The following ZFPM2 variants were observed in gnomAD, a reference collection of about 807,000 sequenced individuals.
ZFPM2 encodes the protein zinc finger protein ZFPM2.
In ZFPM2, 20 loss-of-function variants were observed where a neutral mutation model predicts 98.6. The ratio of observed to expected loss-of-function variants is 0.20; its 90% confidence interval spans 0.14 to 0.29. The LOEUF is 0.29. Among genes scored for constraint, ZFPM2 ranks in the 10% least tolerant of loss-of-function variants. ZFPM2 has a pLI of 1.00. For synonymous variants in ZFPM2, 518 were observed against 502.7 expected (o/e 1.03, Z -0.41); for missense variants, 1,310 against 1,388.6 (o/e 0.94, Z 0.90).
At chr8:105,664,836 G>A (rs1817459918) in intron 5 of ZFPM2, among the ~76,000 whole-genome samples, 1 of 152,054 alleles carries the variant, frequency 6.6e-6, no homozygotes, top group Admixed American at 6.5e-5. Flanking sequence ...AAGTACTGTG[G>A]TTTTATTATA....
chr8:105,390,813 C>G (rs560200404), intron 1 of ZFPM2, among the ~76,000 whole-genome samples: 1 of 152,128 alleles, frequency 6.6e-6, no homozygotes, highest in East Asian at 1.9e-4. Flanking sequence ...AACATTCTAG[C>G]TTAAATTGAT....
At position 105,510,572 on chromosome 8, in the gene ZFPM2, T is replaced by TC. The variant is rs200186393; in HGVS notation, c.302-50785dup. ...GTATTTTATCTCTCTGCTTCTGATC[T>TC]CCCCCCTTCCCTAATTCACAGTAAA... is the stretch of plus-strand genomic sequence containing the variant. On this transcript the variant is annotated intron_variant, in intron 3 of 7. Transcript: ENST00000407775. Among the ~76,000 whole-genome samples the TC allele has an allele frequency of 4.2e-3, 639 of 152,114 alleles. 6 individuals are homozygous for TC. The highest frequency in any genetic ancestry group is 0.015 in the African/African-American group (606 of 41,504).
intron 3 of ZFPM2, among the ~76,000 whole-genome samples, chr8:105,475,763 C>G (rs1813001587): frequency 6.6e-6 from 1 of 152,006 alleles, no homozygotes; most frequent in South Asian, 2.1e-4. Flanking sequence ...GAAATTTTAC[C>G]CATTAACTTA....
chr8:105,717,212 G>A (rs568088800), intron 5 of ZFPM2, among the ~76,000 whole-genome samples: 2 of 151,970 alleles, frequency 1.3e-5, no homozygotes, highest in Admixed American at 6.6e-5. Context: ...GGAACCACTG[G>A]GTCAGAGAAA....
chr8:105,627,144 C>T (rs984145473), intron 4 of ZFPM2, among the ~76,000 whole-genome samples: 4 of 152,098 alleles, frequency 2.6e-5, no homozygotes, highest in African/African-American at 9.7e-5. Context: ...CTCCATTAAC[C>T]TTTTGGCTTG....
At chr8:105,542,405 T>C (rs953543339) in intron 3 of ZFPM2, among the ~76,000 whole-genome samples, 9 of 152,304 alleles carry the variant, frequency 5.9e-5, no homozygotes, top group Admixed American at 3.9e-4. Context: ...TTGATAATTA[T>C]AAATTAATAG....
At chr8:105,717,630 A>G (rs560214783) in intron 5 of ZFPM2, among the ~76,000 whole-genome samples, 2 of 138,194 alleles carry the variant, frequency 1.4e-5, no homozygotes, top group African/African-American at 2.8e-5. Flanking sequence ...TACATTTTGA[A>G]CTGTTAAAAA....
chr8:105,555,243 A>C (rs1814959238), intron 3 of ZFPM2, among the ~76,000 whole-genome samples: 1 of 152,150 alleles, frequency 6.6e-6, no homozygotes, highest in African/African-American at 2.4e-5. Flanking sequence ...ATTTTCTGTG[A>C]ACTTACCCAG....
intron 1 of ZFPM2, among the ~76,000 whole-genome samples, chr8:105,321,892 A>G (rs1212338549): frequency 6.6e-6 from 1 of 152,180 alleles, no homozygotes; most frequent in Non-Finnish European, 1.5e-5. Context: ...ACTTTGGATG[A>G]TAAGGCAAAA....
At chr8:105,346,477 A>G (rs771055506) in intron 1 of ZFPM2, among the ~76,000 whole-genome samples, 17 of 152,138 alleles carry the variant, frequency 1.1e-4, no homozygotes, top group Non-Finnish European at 1.9e-4. Context: ...ACTTAATAGG[A>G]GGAGAATAAA....
At chr8:105,480,752 AT>A (rs765031551) in intron 3 of ZFPM2, among the ~76,000 whole-genome samples, 5,186 of 140,760 alleles carry the variant, frequency 0.037, 259 homozygotes, top group African/African-American at 0.12. Context: ...GTGGGATTAC[AT>A]TTTTTTTTTT....
intron 1 of ZFPM2, among the ~76,000 whole-genome samples, chr8:105,332,013 A>T (rs1282014291): frequency 6.6e-6 from 1 of 151,698 alleles, no homozygotes; most frequent in Non-Finnish European, 1.5e-5. Flanking sequence ...TACTATTGTT[A>T]TGTAGCACTT....
At position 105,318,958 on chromosome 8, in the gene ZFPM2, A is replaced by G; in HGVS notation, c.17A>G (p.Gln6Arg). 2.7e-6 allele frequency: 4 copies of G among 1,472,090 alleles called. No homozygotes were observed. The highest frequency in any genetic ancestry group is 3.6e-6 in the Non-Finnish European group (4 of 1,102,354). 91.2% of individuals were successfully genotyped at this position (1,472,090 alleles called of 1,614,324 possible). The part of the protein sequence containing the change: MSRRK[Q>R]SKPRQIKRPL... ...GCCGCCGAGATGTCCCGGCGAAAGC[A>G]AAGCAAACCCCGGCAGATCAAACGT... The change falls in exon 1 of 8, where the codon CAA becomes CGA. Residue 6 changes from glutamine to arginine, a missense_variant. Transcript: ENST00000407775.
At chr8:105,484,339 T>TTTTA (rs1367760376) in intron 3 of ZFPM2, among the ~76,000 whole-genome samples, 1 of 152,084 alleles carries the variant, frequency 6.6e-6, no homozygotes, top group Non-Finnish European at 1.5e-5. Context: ...GTTTAGTTAA[T>TTTTA]TAGTTAAGTC....
At chr8:105,482,289 G>A (rs1813135442) in intron 3 of ZFPM2, among the ~76,000 whole-genome samples, 1 of 151,982 alleles carries the variant, frequency 6.6e-6, no homozygotes, top group Non-Finnish European at 1.5e-5. Flanking sequence ...TGTTTACTCT[G>A]ATATAGTATC....
In ZFPM2 at chr8:105,393,337, C is replaced by CTTTCTTTCTTTCTTT. The variant is rs1554600680; in HGVS notation, c.41-25807_41-25806insTTTCTTTCTTTCTTT. ...TCTTCCTTCCCTCTCTCTCTCTTTG[C>CTTTCTTTCTTTCTTT]CTTTCTTTCTTTCTTTCTTTCTTTC... On this transcript the variant is annotated intron_variant, in intron 1 of 7. Transcript: ENST00000407775. 5.0e-3 allele frequency among the ~76,000 whole-genome samples: 578 copies of CTTTCTTTCTTTCTTT among 114,822 alleles called. 5 individuals are homozygous for CTTTCTTTCTTTCTTT. Among genetic ancestry groups the CTTTCTTTCTTTCTTT allele is most frequent in the East Asian group, 0.011 (41 of 3,686 alleles). 75.3% of individuals were successfully genotyped at this position (114,822 alleles called of 152,430 possible).
chr8:105,542,201 G>A (rs932073039), intron 3 of ZFPM2, among the ~76,000 whole-genome samples: 5 of 151,922 alleles, frequency 3.3e-5, no homozygotes, highest in African/African-American at 9.7e-5. Flanking sequence ...CTACAAATAC[G>A]CAATACATAT....
chr8:105,689,544 T>G (rs1810826633), intron 5 of ZFPM2, among the ~76,000 whole-genome samples: 1 of 152,178 alleles, frequency 6.6e-6, no homozygotes, highest in African/African-American at 2.4e-5. Context: ...AAGATGCTCA[T>G]AGAAAAACTT....
At chr8:105,556,652 G>A (rs941823995) in intron 3 of ZFPM2, among the ~76,000 whole-genome samples, 6 of 151,384 alleles carry the variant, frequency 4.0e-5, no homozygotes, top group African/African-American at 1.5e-4. Context: ...TCATCCAAAG[G>A]AATCTTTCCA....
Sources: allele counts gnomAD v4.1 joint callset (sites outside exome capture counted in the v4.1 genomes callset), GRCh38; gene constraint gnomAD v4.1.1; transcripts MANE v1.5; gene names NCBI Gene and HGNC (gene_info 2026-07-23, HGNC 2026-07-21).